CDR2L: variants seen among roughly 807,000 people sequenced by gnomAD.
CDR2L encodes the protein cerebellar degeneration related protein 2 like.
A neutral mutation model predicts 36.1 loss-of-function variants in CDR2L; 19 were observed. That is an observed-to-expected ratio of 0.53 (90% CI 0.37 to 0.77). The LOEUF is 0.77. CDR2L is among the 30% of genes least tolerant of loss of function. The probability of loss-of-function intolerance (pLI) is 0.00; values close to 1 mark genes in which losing one functional copy is unlikely to be tolerated. For missense variants in CDR2L, 575 were observed against 627.2 expected (o/e 0.92, Z 0.89); for synonymous variants, 285 against 280.4 (o/e 1.02, Z -0.16).
Position 75,003,246 on chromosome 17 carries a change from G to C in CDR2L, c.570G>C (p.Gln190His). 6.4e-7 allele frequency: 1 copy of C among 1,563,228 alleles called. No individual in the cohort carries two copies. Among genetic ancestry groups the C allele is most frequent in the South Asian group, 1.2e-5 (1 of 84,742 alleles). Residue 190 changes from glutamine to histidine, a missense_variant, in exon 5 of 5, where the codon CAG becomes CAC. Gln to His is a conservative substitution (Grantham distance 24). Transcript: ENST00000337231. ...SLELGPRPLE[Q>H]ENERLQTLVG... ...AGCTGGGCCCGCGGCCCCTGGAGCA[G>C]GAGAACGAGCGGCTGCAGACCCTGG...
In CDR2L at chr17:74,989,726, C is replaced by T. The variant is rs1314296651; in HGVS notation, c.79+1604C>T. Among the ~76,000 whole-genome samples the T allele has an allele frequency of 6.6e-6, 1 of 152,138 alleles. No individual in the cohort carries two copies. The highest frequency in any genetic ancestry group is 2.4e-5 in the African/African-American group (1 of 41,408). ...TTGGAGTGTAATGGTGCGATCTCAG[C>T]TCACTGCAACCTCCATCTCCCGGGT... is the stretch of plus-strand genomic sequence containing the variant. On this transcript the variant is annotated intron_variant, in intron 1 of 4. Transcript: ENST00000337231. The surrounding 1 kb of genome is among the most constrained non-coding windows in gnomAD (Gnocchi z 4.2).
Position 75,002,774 on chromosome 17 carries a change from C to A in CDR2L, c.507-409C>A, listed in dbSNP as rs2144868215. Among the ~76,000 whole-genome samples, 1 of 152,272 alleles carries A rather than the reference C, an allele frequency of 6.6e-6. No homozygotes were observed. Among genetic ancestry groups the A allele is most frequent in the East Asian group, 1.9e-4 (1 of 5,186 alleles). On this transcript the variant is annotated intron_variant, in intron 4 of 4. Transcript: ENST00000337231. This position sits in a 1 kb window ranked among gnomAD's most constrained non-coding sequence, Gnocchi z 4.1. ...GCCCCAGGGTTGCAGCAGAGAGGAG[C>A]TGCCACCAGCCCTAGGCCTCAAAGC... is the stretch of plus-strand genomic sequence containing the variant.
At chr17:74,993,890 A>G (rs148986270) in intron 1 of CDR2L, among the ~76,000 whole-genome samples, 71 of 152,308 alleles carry the variant, frequency 4.7e-4, no homozygotes, top group Admixed American at 1.2e-3. Flanking sequence ...CTCTGTGCAC[A>G]GGATCAGACT....
At chr17:75,000,940 T>TA (rs893920987) in intron 2 of CDR2L, among the ~76,000 whole-genome samples, 22 of 142,744 alleles carry the variant, frequency 1.5e-4, no homozygotes, top group South Asian at 1.4e-3. Context: ...TTAATTAATT[T>TA]AAAAAAAAAA....
At chr17:74,999,380 C>T (rs1598656014) in intron 1 of CDR2L, 124 bp from the exon 2 acceptor site, 1 of 654,930 alleles carries the variant, frequency 1.5e-6, no homozygotes, top group East Asian at 2.9e-5. Flanking sequence ...CCTGGCTTAC[C>T]TCTCCTCCCA....
chr17:75,001,264 A>G, intron 2 of CDR2L, 77 bp from the exon 3 acceptor site: 1 of 1,377,606 alleles, frequency 7.3e-7, no homozygotes, highest in Non-Finnish European at 9.6e-7. Context: ...AGACAAAAAA[A>G]GAAGTAGGAG....
chr17:74,988,776 C>T (rs2039778955), intron 1 of CDR2L, among the ~76,000 whole-genome samples: 1 of 152,162 alleles, frequency 6.6e-6, no homozygotes, highest in Admixed American at 6.6e-5. Context: ...TTCGGGAATC[C>T]CGGCCAGTGT....
intron 1 of CDR2L, among the ~76,000 whole-genome samples, chr17:74,998,089 C>T (rs1195416364): frequency 6.6e-6 from 1 of 151,980 alleles, no homozygotes; most frequent in African/African-American, 2.4e-5. Context: ...GGCATGGTGG[C>T]GGGCGCCTGT....
intron 1 of CDR2L, among the ~76,000 whole-genome samples, chr17:74,992,787 A>C (rs2039804287): frequency 6.6e-6 from 1 of 152,136 alleles, no homozygotes; most frequent in Non-Finnish European, 1.5e-5. Flanking sequence ...CACTGCCTTC[A>C]AAGGGCAACC....
At chr17:74,999,297 CACACACACACACACACACAG>C (rs1255016532) in intron 1 of CDR2L, among the ~76,000 whole-genome samples, 187 bp from the exon 2 acceptor site, 2 of 149,552 alleles carry the variant, frequency 1.3e-5, no homozygotes, top group Non-Finnish European at 3.0e-5. Context: ...TGCACACACA[CACACACACACACACACACAG>C]ACACACACAA....
At chr17:74,996,221 ATTGT>A (rs2039824613) in intron 1 of CDR2L, among the ~76,000 whole-genome samples, 1 of 152,120 alleles carries the variant, frequency 6.6e-6, no homozygotes, top group African/African-American at 2.4e-5. Flanking sequence ...AGGTGGGTGG[ATTGT>A]TTGAGGTCAG....
rs2039780356 is a variant in CDR2L, at chr17:74,989,024, AG to A, written c.79+906del. 6.6e-6 allele frequency among the ~76,000 whole-genome samples: 1 copy of A among 151,968 alleles called. No individual in the cohort carries two copies. The highest frequency in any genetic ancestry group is 1.5e-5 in the Non-Finnish European group (1 of 68,028). On this transcript the variant is annotated intron_variant, in intron 1 of 4. Transcript: ENST00000337231. This position sits in a 1 kb window ranked among gnomAD's most constrained non-coding sequence, Gnocchi z 4.2. The stretch of plus-strand genomic sequence containing the variant: ...TCCTTCTTGGATGGTGAGAGCTGGA[AG>A]GGGCGAGGAAACATGTCCAGGGAGA...
At chr17:74,996,515 G>A (rs1358900791) in intron 1 of CDR2L, among the ~76,000 whole-genome samples, 1 of 151,382 alleles carries the variant, frequency 6.6e-6, no homozygotes, top group African/African-American at 2.4e-5. Context: ...TGGGAGGATT[G>A]TATCCACTCC....
At chr17:74,991,166 G>T (rs1338320050) in intron 1 of CDR2L, among the ~76,000 whole-genome samples, 2 of 152,182 alleles carry the variant, frequency 1.3e-5, no homozygotes, top group Admixed American at 6.5e-5. Context: ...ACTTTGGGAG[G>T]CCAAGGCGGG....
Position 74,989,228 on chromosome 17 carries a change from T to C in CDR2L, c.79+1106T>C, listed in dbSNP as rs1005681286. Among the ~76,000 whole-genome samples the C allele has an allele frequency of 1.7e-3, 253 of 152,256 alleles. 12 individuals are homozygous for C. Among genetic ancestry groups the C allele is most frequent in the Admixed American group, 0.016 (248 of 15,294 alleles). On this transcript the variant is annotated intron_variant, in intron 1 of 4. Transcript: ENST00000337231. This position sits in a 1 kb window ranked among gnomAD's most constrained non-coding sequence, Gnocchi z 4.2. ...CCGGATTCTGAAGCCCCTGACCTAC[T>C]TCCCCACATGGCCAAGACTGGCTGG...
intron 1 of CDR2L, among the ~76,000 whole-genome samples, chr17:74,997,060 C>CTTTTTT (rs1567974277): frequency 9.7e-5 from 1 of 10,350 alleles, no homozygotes; most frequent in Non-Finnish European, 7.5e-4. Context: ...TTCTTTCTTT[C>CTTTTTT]TTTCTTTCTT....
chr17:74,992,009 G>T (rs1212487573), intron 1 of CDR2L, among the ~76,000 whole-genome samples: 1 of 152,164 alleles, frequency 6.6e-6, no homozygotes, highest in Non-Finnish European at 1.5e-5. Context: ...CTGATTCTGT[G>T]GACCCAGAGT....
At chr17:74,996,236 G>C (rs2039824736) in intron 1 of CDR2L, among the ~76,000 whole-genome samples, 2 of 152,122 alleles carry the variant, frequency 1.3e-5, no homozygotes, top group South Asian at 4.2e-4. Flanking sequence ...TTGAGGTCAG[G>C]AGTTTGAGAC....
chr17:74,987,678 C>A lies in CDR2L; in HGVS notation c.-366C>A. ...TTGTCGCCGGGCGGGCCAGGAGCAG[C>A]GCGGACCCGAGCCGGGCAGGGGGCG... On this transcript the variant is annotated 5_prime_UTR_variant, in exon 1 of 5. Coordinates refer to ENST00000337231, the MANE Select transcript of CDR2L (RefSeq NM_014603.3). 6.4e-6 allele frequency: 1 copy of A among 156,694 alleles called. No individual in the cohort carries two copies. 9.7% of individuals were successfully genotyped at this position (156,694 alleles called of 1,614,324 possible).
Sources: allele counts gnomAD v4.1 joint callset (sites outside exome capture counted in the v4.1 genomes callset), GRCh38; gene constraint gnomAD v4.1.1; non-coding constraint Gnocchi (gnomAD v3.1); transcripts MANE v1.5; gene names NCBI Gene and HGNC (gene_info 2026-07-23, HGNC 2026-07-21).